Variants in MAPK10 observed in about 807,000 individuals in gnomAD.
MAPK10 encodes mitogen-activated protein kinase 10, also known as JNK3 alpha protein kinase.
Under a neutral mutation model 59.3 loss-of-function variants are expected in MAPK10, and 25 were observed. The observed-to-expected ratio is 0.42, with a 90% CI of 0.31 to 0.59. The LOEUF is 0.59. Among genes scored for constraint, MAPK10 ranks in the 20% least tolerant of loss-of-function variants. The pLI, the probability that MAPK10 is intolerant of heterozygous loss-of-function variation, is 0.15. For missense variants in MAPK10, 351 were observed against 568.9 expected (o/e 0.62, Z 3.90); for synonymous variants, 190 against 200.5 (o/e 0.95, Z 0.44).
At chr4:86,334,150 T>A (rs2096219121) in intron 2 of MAPK10, among the ~76,000 whole-genome samples, 1 of 152,120 alleles carries the variant, frequency 6.6e-6, no homozygotes, top group African/African-American at 2.4e-5. Flanking sequence ...TCCTCCTCAG[T>A]GTTCTCTTTC....
chr4:86,398,472 G>A (rs1186463586), intron 1 of MAPK10, among the ~76,000 whole-genome samples: 1 of 152,144 alleles, frequency 6.6e-6, no homozygotes, highest in Non-Finnish European at 1.5e-5. Flanking sequence ...ACAGAGCTGA[G>A]ACCAAACCCA....
At chr4:86,050,645 C>T (rs1579191440) in intron 11 of MAPK10, among the ~76,000 whole-genome samples, 1 of 152,078 alleles carries the variant, frequency 6.6e-6, no homozygotes, top group African/African-American at 2.4e-5. Context: ...TGAGCTTAGC[C>T]TTCCATTCTT....
In MAPK10 at chr4:86,167,907, G is replaced by C. The variant is rs1293724256; in HGVS notation, c.67-8440C>G. Among the ~76,000 whole-genome samples, 3 of 152,288 alleles carry C rather than the reference G, an allele frequency of 2.0e-5. No individual in the cohort carries two copies. In the East Asian group the frequency reaches 5.8e-4, roughly 29 times the overall value. ...ATCAGGCAAGAGAAAGAAATAAAGG[G>C]TATTCAAATAGGAAAAGAGGAAGGC... On this transcript the variant is annotated intron_variant, in intron 3 of 13. Transcript: ENST00000641462.
chr4:86,131,725 T>C (rs1455152753), intron 4 of MAPK10, among the ~76,000 whole-genome samples: 1 of 152,190 alleles, frequency 6.6e-6, no homozygotes, highest in African/African-American at 2.4e-5. Flanking sequence ...TAAAAAGTGT[T>C]CTTCTTTACA....
chr4:86,415,266 G>T (rs1745720432), intron 1 of MAPK10, among the ~76,000 whole-genome samples: 1 of 151,990 alleles, frequency 6.6e-6, no homozygotes, highest in Non-Finnish European at 1.5e-5. Context: ...AACTTTGCTA[G>T]CAACAGCCCA....
chr4:86,388,052 G>A (rs1040441581), intron 1 of MAPK10, among the ~76,000 whole-genome samples: 1 of 150,508 alleles, frequency 6.6e-6, no homozygotes, highest in Admixed American at 6.6e-5. Context: ...AAACAAATGG[G>A]AGATTATCAA....
At chr4:86,544,473 T>C (rs1050709084) in intron 1 of MAPK10, among the ~76,000 whole-genome samples, 1 of 152,212 alleles carries the variant, frequency 6.6e-6, no homozygotes, top group African/African-American at 2.4e-5. Flanking sequence ...AACATCTAAA[T>C]AGTCATTTCT....
intron 2 of MAPK10, among the ~76,000 whole-genome samples, chr4:86,293,482 C>A (rs1216507333): frequency 6.6e-6 from 1 of 152,132 alleles, no homozygotes; most frequent in African/African-American, 2.4e-5. Context: ...CCTGCTTATA[C>A]CCCCTTGGCT....
chr4:86,185,295 G>T (rs943221477), intron 3 of MAPK10, among the ~76,000 whole-genome samples: 1 of 152,166 alleles, frequency 6.6e-6, no homozygotes, highest in African/African-American at 2.4e-5. Context: ...AGTTGGGTAT[G>T]CAGTCAGGTA....
In MAPK10 at chr4:86,029,269, T is replaced by C; in HGVS notation, c.1180A>G (p.Ile394Val). The C allele has an allele frequency of 1.3e-6, 2 of 1,598,388 alleles. No homozygotes were observed. Among genetic ancestry groups the C allele is most frequent in the Non-Finnish European group, 1.7e-6 (2 of 1,166,350 alleles). ...TCTGAATTCATTACTTCCTTGTAGA[T>C]AAGTTCTGTAAGAAACAGCTGTGTT... ...EHTIEEWKELIYKEVMNSEEK... is the reference protein window; with the variant it reads ...EHTIEEWKELVYKEVMNSEEK... Residue 394 changes from isoleucine (I) to valine (V), a missense_variant, in exon 13 of 14, where the codon ATC becomes GTC. By Grantham distance (29) the Ile-to-Val change is conservative. Around this residue, in one of 5 missense-constraint regions of MAPK10, gnomAD observed 155 missense variants for 204.2 expected, o/e 0.76. Coordinates refer to ENST00000641462, the MANE Select transcript of MAPK10 (RefSeq NM_138982.4).
At chr4:86,175,232 T>C (rs1420598126) in intron 3 of MAPK10, among the ~76,000 whole-genome samples, 15 of 152,180 alleles carry the variant, frequency 9.9e-5, no homozygotes, top group Admixed American at 8.5e-4. Context: ...AAATGAATTA[T>C]CTGGATTTCA....
chr4:86,247,649 TTG>T (rs10591715), intron 2 of MAPK10, among the ~76,000 whole-genome samples: 49,331 of 150,228 alleles, frequency 0.33, 10,879 homozygotes, highest in African/African-American at 0.63. Flanking sequence ...GTGTGTGTAG[TTG>T]TGTGTGTGTG....
chr4:86,143,077 T>C (rs2149184625), intron 4 of MAPK10, among the ~76,000 whole-genome samples: 1 of 152,248 alleles, frequency 6.6e-6, no homozygotes, highest in African/African-American at 2.4e-5. Context: ...AAACTTACAA[T>C]CATGGCAGAA....
rs1044244566 is a variant in MAPK10, at chr4:86,013,447, T to A, written c.*3781A>T. ...TTTCTGAGCTGTAGAAGAATACATTTTTCAGCAAAGCTGGCTAATAACATG... is the reference window on the plus strand; with the variant it reads ...TTTCTGAGCTGTAGAAGAATACATTATTCAGCAAAGCTGGCTAATAACATG... On this transcript the variant is annotated 3_prime_UTR_variant, in exon 14 of 14. Transcript: ENST00000641462. 3 of 152,192 alleles carry A rather than the reference T, an allele frequency of 2.0e-5. No homozygotes were observed. The highest frequency in any genetic ancestry group is 4.4e-5 in the Non-Finnish European group (3 of 68,026). 9.4% of individuals were successfully genotyped at this position (152,192 alleles called of 1,614,324 possible).
At chr4:86,233,496 C>A (rs115696490) in intron 2 of MAPK10, among the ~76,000 whole-genome samples, 4,526 of 152,236 alleles carry the variant, frequency 0.03, 93 homozygotes, top group South Asian at 0.041. Flanking sequence ...CCTCCCTCCC[C>A]CAAGGAGCTT....
chr4:86,324,289 T>C (rs1429815096), intron 2 of MAPK10, among the ~76,000 whole-genome samples: 2 of 152,000 alleles, frequency 1.3e-5, no homozygotes, highest in African/African-American at 2.4e-5. Flanking sequence ...TGCCTGCCTG[T>C]AATCCCAGCT....
At chr4:86,233,587 C>T (rs561089106) in intron 2 of MAPK10, among the ~76,000 whole-genome samples, 11 of 152,170 alleles carry the variant, frequency 7.2e-5, no homozygotes, top group Admixed American at 6.5e-5. Context: ...CCAAGCAGGT[C>T]GGATAGGCTA....
Position 86,055,694 on chromosome 4 carries a change from T to C in MAPK10, c.1110+8572A>G, listed in dbSNP as rs2044415720. Among the ~76,000 whole-genome samples the C allele has an allele frequency of 1.3e-5, 2 of 149,864 alleles. 1 individual carries two copies. The highest frequency in any genetic ancestry group is 1.3e-4 in the Admixed American group (2 of 15,144). ...ACAGAGGCTTTTTCTACCCATGAAA[T>C]GTTTTTTTAAAAGAGCTTTCTTATT... On this transcript the variant is annotated intron_variant, in intron 11 of 13. Coordinates refer to ENST00000641462, the MANE Select transcript of MAPK10 (RefSeq NM_138982.4).
At chr4:86,540,059 G>C (rs1758552741) in intron 1 of MAPK10, among the ~76,000 whole-genome samples, 1 of 152,126 alleles carries the variant, frequency 6.6e-6, no homozygotes, top group East Asian at 1.9e-4. Flanking sequence ...TATTTCTATT[G>C]CCCTATAACA....
Sources: allele counts gnomAD v4.1 joint callset (sites outside exome capture counted in the v4.1 genomes callset), GRCh38; gene constraint gnomAD v4.1.1; regional missense constraint gnomAD v4.1.1; transcripts MANE v1.5; gene names NCBI Gene and HGNC (gene_info 2026-07-23, HGNC 2026-07-21).